MORC3: variants seen among roughly 807,000 people sequenced by gnomAD.
The protein encoded by MORC3 is MORC family CW-type zinc finger protein 3.
MORC3 carries 31 observed loss-of-function variants against 109.1 expected under a neutral mutation model. The ratio of observed to expected loss-of-function variants is 0.28; its 90% CI spans 0.21 to 0.38. The LOEUF (loss-of-function observed/expected upper bound fraction) is 0.38. Among genes scored for constraint, MORC3 ranks in the 10% least tolerant of loss-of-function variants. The pLI, the probability that MORC3 is intolerant of heterozygous loss-of-function variation, is 1.00. For missense variants in MORC3, 867 were observed against 1,135.8 expected (o/e 0.76, Z 3.40); for synonymous variants, 395 against 380.7 (o/e 1.04, Z -0.44).
At chr21:36,368,200 T>G (rs2085803086) in intron 14 of MORC3, among the ~76,000 whole-genome samples, 1 of 152,124 alleles carries the variant, frequency 6.6e-6, no homozygotes, top group African/African-American at 2.4e-5. Flanking sequence ...AATGAAGAAA[T>G]TGGGGCAATT....
intron 9 of MORC3, among the ~76,000 whole-genome samples, chr21:36,352,567 G>T (rs1243291089): frequency 6.6e-6 from 1 of 152,098 alleles, no homozygotes; most frequent in East Asian, 1.9e-4. Context: ...TGAAATCCAA[G>T]GTACTTTCAT....
At chr21:36,364,329 A>G in intron 14 of MORC3, 70 bp downstream of exon 14, 1 of 1,483,718 alleles carries the variant, frequency 6.7e-7, no homozygotes, top group Non-Finnish European at 9.3e-7. Flanking sequence ...CTTCTGTGAC[A>G]GTGATGCAAT....
At chr21:36,358,474 G>C (rs943963138) in intron 10 of MORC3, among the ~76,000 whole-genome samples, 143 of 152,186 alleles carry the variant, frequency 9.4e-4, no homozygotes, top group African/African-American at 3.2e-3. Flanking sequence ...AGTCTACATA[G>C]GCTGTATCCA....
chr21:36,331,871 G>A (rs748717820), intron 1 of MORC3, among the ~76,000 whole-genome samples: 8 of 152,198 alleles, frequency 5.3e-5, no homozygotes, highest in Non-Finnish European at 7.3e-5. Context: ...TGGGCATAGT[G>A]GCCCACTCCT....
intron 13 of MORC3, 33 bp downstream of exon 13, chr21:36,362,261 A>C: frequency 3.0e-6 from 4 of 1,314,044 alleles, no homozygotes; most frequent in Non-Finnish European, 4.2e-6. Context: ...TTTTTTTTTT[A>C]AATAGAGATG....
At position 36,359,862 on chromosome 21, in the gene MORC3, A is replaced by G. The variant is rs546246028; in HGVS notation, c.1209-93A>G. 302 of 1,522,220 alleles carry G rather than the reference A, an allele frequency of 2.0e-4. 1 individual carries two copies. The highest frequency in any genetic ancestry group is 2.1e-4 in the Non-Finnish European group (230 of 1,107,028). 94.3% of individuals were successfully genotyped at this position (1,522,220 alleles called of 1,614,324 possible). On this transcript the variant is annotated intron_variant, in intron 10 of 16. Transcript: ENST00000400485. ...TAATTTTTAGGAAAGGAATTAAATA[A>G]TGGCATCTTGTGGTAGAAATGATGT...
Position 36,356,713 on chromosome 21 carries a change from T to G in MORC3, c.1197T>G (p.Val399=). 1.3e-6 allele frequency: 2 copies of G among 1,568,110 alleles called. No homozygotes were observed. Among genetic ancestry groups the G allele is most frequent in the Non-Finnish European group, 8.7e-7 (1 of 1,149,066 alleles). ...KNTEYPLNLP[V]EDIQKRPDQT... ...CAGAATATCCTCTAAATTTGCCAGTTGAAGATATACAGTAAGTACATTTTT... is the reference window on the plus strand; with the variant it reads ...CAGAATATCCTCTAAATTTGCCAGTGGAAGATATACAGTAAGTACATTTTT... The change falls in exon 10 of 17, where the codon GTT becomes GTG. Residue 399 remains valine, a synonymous_variant. Transcript: ENST00000400485.
chr21:36,343,521 T>C (rs1342218683), intron 6 of MORC3, among the ~76,000 whole-genome samples: 1 of 150,204 alleles, frequency 6.7e-6, no homozygotes, highest in Admixed American at 6.7e-5. Context: ...TGATCTCGGC[T>C]CACCACAACC....
At chr21:36,350,075 G>A (rs1357967074) in intron 9 of MORC3, among the ~76,000 whole-genome samples, 4 of 152,180 alleles carry the variant, frequency 2.6e-5, no homozygotes, top group Non-Finnish European at 5.9e-5. Context: ...GGGCCCAAAG[G>A]TGGACAAATT....
Position 36,369,485 on chromosome 21 carries a change from T to G in MORC3, c.2117T>G (p.Val706Gly). 1 of 1,614,180 alleles carries G rather than the reference T, an allele frequency of 6.2e-7. No individual in the cohort carries two copies. Among genetic ancestry groups the G allele is most frequent in the Non-Finnish European group, 8.5e-7 (1 of 1,180,038 alleles). ...LQELRNQLLL[V>G]TEEKENYKRQ... ...GAACTGAGAAACCAGCTACTCCTTGTCACTGAGGAAAAAGAGAATTATAAA... is the reference window on the plus strand; with the variant it reads ...GAACTGAGAAACCAGCTACTCCTTGGCACTGAGGAAAAAGAGAATTATAAA... Residue 706 changes from valine to glycine, a missense_variant, in exon 15 of 17, where the codon GTC becomes GGC. By Grantham distance (109) the Val-to-Gly change is moderately radical. Coordinates refer to ENST00000400485, the MANE Select transcript of MORC3 (RefSeq NM_015358.3).
chr21:36,324,367 T>A (rs1174022693), intron 1 of MORC3, among the ~76,000 whole-genome samples: 1 of 150,640 alleles, frequency 6.6e-6, no homozygotes, highest in Non-Finnish European at 1.5e-5. Flanking sequence ...AAGCTCCGCC[T>A]CCCAGGTTCA....
intron 9 of MORC3, 64 bp from the exon 10 acceptor site, chr21:36,356,556 C>G (rs921026771): frequency 9.5e-7 from 1 of 1,050,420 alleles, no homozygotes; most frequent in Non-Finnish European, 1.4e-6. Context: ...GTACTCATTA[C>G]TAGATTATTT....
chr21:36,350,531 A>G (rs1349909974), intron 9 of MORC3, among the ~76,000 whole-genome samples: 7 of 134,132 alleles, frequency 5.2e-5, no homozygotes, highest in Non-Finnish European at 9.4e-5. Flanking sequence ...GTGACAGAAG[A>G]CACCCTGCCT....
At chr21:36,335,591 C>A (rs1179588199) in intron 2 of MORC3, among the ~76,000 whole-genome samples, 1 of 152,172 alleles carries the variant, frequency 6.6e-6, no homozygotes, top group Non-Finnish European at 1.5e-5. Context: ...GCTGGGATTA[C>A]AGGCATGAGC....
Position 36,372,390 on chromosome 21 carries a change from T to C in MORC3, c.2525T>C (p.Met842Thr), listed in dbSNP as rs749638619. Reference sequence around the variant, plus strand: ...TTTTGTTAGGTTGAATTGCTGGAAATGGAAAAGTCACAAATCCGTTCACAG... The same window carrying C: ...TTTTGTTAGGTTGAATTGCTGGAAACGGAAAAGTCACAAATCCGTTCACAG... ...QYKSEVELLE[M>T]EKSQIRSQCE... Residue 842 changes from methionine (M) to threonine (T), a missense_variant, in exon 16 of 17, where the codon ATG (methionine) becomes ACG (threonine). Met to Thr is a moderately conservative substitution (Grantham distance 81). This residue lies in a region of MORC3 where 486 missense variants were observed against 502.1 expected (regional missense o/e 0.97). Coordinates refer to ENST00000400485, the MANE Select transcript of MORC3 (RefSeq NM_015358.3). 6.4e-7 allele frequency: 1 copy of C among 1,571,816 alleles called. No individual in the cohort carries two copies. Among genetic ancestry groups the C allele is most frequent in the Non-Finnish European group, 8.6e-7 (1 of 1,166,782 alleles).
Position 36,376,234 on chromosome 21 carries a change from C to T in MORC3, c.*938C>T, listed in dbSNP as rs552253023. On this transcript the variant is annotated 3_prime_UTR_variant, in exon 17 of 17. Transcript: ENST00000400485. ...TTCCTTAGGATTATAGTATTACATG[C>T]CATAAAATACTATGCTTTATTGGTC... The T allele has an allele frequency of 5.9e-5, 9 of 152,498 alleles. No homozygotes were observed. Among genetic ancestry groups the T allele is most frequent in the African/African-American group, 9.7e-5 (4 of 41,396 alleles). The allele number at this position is 152,498 out of a possible 1,614,324, so 9.4% of individuals were successfully genotyped here.
chr21:36,335,832 T>G (rs2085369711), intron 2 of MORC3, among the ~76,000 whole-genome samples: 1 of 152,236 alleles, frequency 6.6e-6, no homozygotes, highest in Admixed American at 6.5e-5. Context: ...AAAATGTTGC[T>G]GCCTTTTCAT....
chr21:36,357,805 A>G (rs1348394636), intron 10 of MORC3, among the ~76,000 whole-genome samples: 3 of 150,368 alleles, frequency 2.0e-5, no homozygotes, highest in South Asian at 2.1e-4. Flanking sequence ...CAGTGGCGCA[A>G]TCTCAGCTCA....
intron 1 of MORC3, chr21:36,320,670 T>G: frequency 4.9e-6 from 1 of 206,140 alleles, no homozygotes; most frequent in East Asian, 1.1e-4. Context: ...CTGGGCGTCG[T>G]GGTGGGAGGG....
Sources: allele counts gnomAD v4.1 joint callset (sites outside exome capture counted in the v4.1 genomes callset), GRCh38; gene constraint gnomAD v4.1.1; regional missense constraint gnomAD v4.1.1; transcripts MANE v1.5; gene names NCBI Gene and HGNC (gene_info 2026-07-23, HGNC 2026-07-21).